The following DGKI variants were observed in gnomAD, a reference collection of about 807,000 sequenced individuals.
DGKI encodes DAG kinase iota.
A neutral mutation model predicts 147.5 loss-of-function variants in DGKI; 55 were observed. That is an observed-to-expected ratio of 0.37 (90% CI 0.30 to 0.47). DGKI has a LOEUF of 0.47. Ranked by LOEUF, DGKI falls within the 20% of genes least tolerant of loss-of-function variation. The probability of loss-of-function intolerance (pLI) is 1.00; values close to 1 mark genes in which losing one functional copy is unlikely to be tolerated. For synonymous variants in DGKI, 469 were observed against 477.1 expected, an observed-to-expected ratio of 0.98 and a Z score of 0.22; for missense variants, 1,007 against 1,323.8, an observed-to-expected ratio of 0.76 and a Z score of 3.71.
rs181659680 is a variant in DGKI at position 137,775,944 on chromosome 7, C to T, written c.401+70518G>A. ...TGTGATCTCGGCTCACTGCAACCTC[C>T]GCCTCCTGGGTTCAAGCGATTCTCC... On this transcript the variant is annotated intron_variant, in intron 1 of 32. Coordinates refer to ENST00000614521, the MANE Select transcript of DGKI (RefSeq NM_001321708.2). Among the ~76,000 whole-genome samples the T allele has an allele frequency of 2.5e-4, 37 of 150,826 alleles. No homozygotes were observed. The East Asian group carries it at 4.3e-3, about 18-fold the overall frequency.
chr7:137,480,773 A>T (rs888036155), intron 23 of DGKI, among the ~76,000 whole-genome samples: 1 of 152,144 alleles, frequency 6.6e-6, no homozygotes, highest in African/African-American at 2.4e-5. Flanking sequence ...ACTACAGGTG[A>T]ATCCTATGGT....
intron 21 of DGKI, among the ~76,000 whole-genome samples, chr7:137,506,708 G>T (rs1450247468): frequency 1.3e-5 from 2 of 152,168 alleles, no homozygotes; most frequent in African/African-American, 4.8e-5. Flanking sequence ...TGCGGTAGGG[G>T]AGGGTTGAGA....
intron 1 of DGKI, among the ~76,000 whole-genome samples, chr7:137,814,518 T>G (rs1797681532): frequency 6.6e-6 from 1 of 152,106 alleles, no homozygotes; most frequent in African/African-American, 2.4e-5. Flanking sequence ...CCAAGGCCCC[T>G]AATCCCCCAC....
At chr7:137,527,317 GATA>G (rs1156690463) in intron 20 of DGKI, among the ~76,000 whole-genome samples, 1 of 152,096 alleles carries the variant, frequency 6.6e-6, no homozygotes, top group Non-Finnish European at 1.5e-5. Flanking sequence ...TTCAGTCCTA[GATA>G]ATAATATCAT....
intron 1 of DGKI, among the ~76,000 whole-genome samples, chr7:137,778,474 G>T (rs947036584): frequency 6.6e-6 from 1 of 152,136 alleles, no homozygotes. Context: ...AGGGGACAAT[G>T]GGCAGGTGTG....
chr7:137,782,215 A>T (rs1269785158), intron 1 of DGKI, among the ~76,000 whole-genome samples: 1 of 152,164 alleles, frequency 6.6e-6, no homozygotes, highest in Non-Finnish European at 1.5e-5. Context: ...AGCCCTGGTC[A>T]CTGGCTGCCT....
intron 29 of DGKI, among the ~76,000 whole-genome samples, 157 bp from the exon 30 acceptor site, chr7:137,408,152 T>C (rs961835736): frequency 1.3e-5 from 2 of 152,246 alleles, no homozygotes; most frequent in African/African-American, 4.8e-5. Flanking sequence ...ATTCCTGGAC[T>C]GTGTTATCAC....
In DGKI at chr7:137,383,550, C is replaced by T. The variant is rs1438474958; in HGVS notation, c.*7670G>A. On this transcript the variant is annotated 3_prime_UTR_variant, in exon 33 of 33. Transcript: ENST00000614521. Reference sequence around the variant, plus strand: ...AAAATCTCACAGAGTTTTTCTAGTCCAAGATCTCTCACAATTAAAGATATG... The same window carrying T: ...AAAATCTCACAGAGTTTTTCTAGTCTAAGATCTCTCACAATTAAAGATATG... 1 of 151,668 alleles carries T rather than the reference C, an allele frequency of 6.6e-6. No individual in the cohort carries two copies. Among genetic ancestry groups the T allele is most frequent in the Non-Finnish European group, 1.5e-5 (1 of 67,852 alleles). 9.4% of individuals were successfully genotyped at this position (151,668 alleles called of 1,614,324 possible).
At chr7:137,395,259 CAA>C (rs1293838959) in intron 32 of DGKI, among the ~76,000 whole-genome samples, 1 of 152,164 alleles carries the variant, frequency 6.6e-6, no homozygotes, top group Non-Finnish European at 1.5e-5. Context: ...GTAGTCAGGC[CAA>C]AGTCTTTGAA....
intron 10 of DGKI, among the ~76,000 whole-genome samples, chr7:137,608,096 A>G (rs992059353): frequency 2.0e-5 from 3 of 152,182 alleles, no homozygotes; most frequent in Non-Finnish European, 4.4e-5. Flanking sequence ...GGTCAATCCT[A>G]TTTATACAAC....
intron 23 of DGKI, among the ~76,000 whole-genome samples, chr7:137,478,931 G>A (rs572927604): frequency 2.6e-5 from 4 of 152,258 alleles, no homozygotes; most frequent in East Asian, 1.9e-4. Context: ...AAAAATATGC[G>A]TCTTTCAAAA....
chr7:137,812,186 A>G (rs367737561), intron 1 of DGKI, among the ~76,000 whole-genome samples: 1 of 152,210 alleles, frequency 6.6e-6, no homozygotes, highest in Non-Finnish European at 1.5e-5. Context: ...ATGATTATTC[A>G]TAGTTAGACC....
intron 28 of DGKI, among the ~76,000 whole-genome samples, chr7:137,431,987 A>AT (rs1813093480): frequency 1.3e-5 from 2 of 152,092 alleles, no homozygotes; most frequent in Admixed American, 1.3e-4. Flanking sequence ...ATGGGTGTGG[A>AT]TTTCCCCTGC....
intron 27 of DGKI, among the ~76,000 whole-genome samples, chr7:137,450,489 C>T (rs1436651437): frequency 2.0e-5 from 3 of 152,088 alleles, no homozygotes; most frequent in Non-Finnish European, 2.9e-5. Context: ...GAGGCCAAGG[C>T]GGGCAGATCA....
At chr7:137,613,785 C>A (rs1327417494) in intron 8 of DGKI, among the ~76,000 whole-genome samples, 1 of 152,110 alleles carries the variant, frequency 6.6e-6, no homozygotes, top group Admixed American at 6.6e-5. Context: ...GTTAAGTCTA[C>A]ATATAATAAC....
intron 10 of DGKI, among the ~76,000 whole-genome samples, chr7:137,600,993 C>T (rs1320575048): frequency 1.3e-5 from 2 of 152,108 alleles, no homozygotes; most frequent in Admixed American, 6.5e-5. Flanking sequence ...AAGAAGGGGC[C>T]GGGCACGGTG....
At chr7:137,518,835 C>T (rs1816867087) in intron 21 of DGKI, among the ~76,000 whole-genome samples, 1 of 151,968 alleles carries the variant, frequency 6.6e-6, no homozygotes. Context: ...ACAGATCATC[C>T]TTTGCCTAGA....
intron 26 of DGKI, among the ~76,000 whole-genome samples, chr7:137,464,097 C>A (rs570793015): frequency 4.0e-4 from 60 of 151,346 alleles, no homozygotes; most frequent in Non-Finnish European, 6.8e-4. Flanking sequence ...AGAAAACGAC[C>A]ATACAAAAAA....
At chr7:137,597,757 A>G in intron 12 of DGKI, 90 bp downstream of exon 12, 1 of 1,228,282 alleles carries the variant, frequency 8.1e-7, no homozygotes, top group Non-Finnish European at 1.2e-6. Context: ...GGGATTAGAA[A>G]GACTGAGCAA....
Sources: allele counts gnomAD v4.1 joint callset (sites outside exome capture counted in the v4.1 genomes callset), GRCh38; gene constraint gnomAD v4.1.1; transcripts MANE v1.5; gene names NCBI Gene and HGNC (gene_info 2026-07-23, HGNC 2026-07-21).